ZNF84: variants seen among roughly 807,000 people sequenced by gnomAD.
ZNF84 encodes zinc finger protein HPF2.
In ZNF84, 12 loss-of-function variants were observed where a neutral mutation model predicts 14.8. That is an observed-to-expected ratio of 0.81 (90% CI 0.52 to 1.31). The LOEUF (loss-of-function observed/expected upper bound fraction) is 1.31, where lower values mean the gene tolerates loss of function less well. ZNF84 is among the 50% of genes most tolerant of loss of function. The probability of loss-of-function intolerance (pLI) is 0.00; values close to 1 mark genes in which losing one functional copy is unlikely to be tolerated. For synonymous variants in ZNF84, 347 were observed against 291.1 expected, an observed-to-expected ratio of 1.19 and a Z score of -1.96; for missense variants, 859 against 878.6, an observed-to-expected ratio of 0.98 and a Z score of 0.28.
intron 2 of ZNF84, among the ~76,000 whole-genome samples, chr12:133,042,238 C>T (rs1359425393): frequency 6.6e-6 from 1 of 152,210 alleles, no homozygotes; most frequent in African/African-American, 2.4e-5. Context: ...GCTAGTAATT[C>T]GGATATACCA....
In ZNF84 at chr12:133,063,091, T is replaced by C. The variant is rs1593720986; in HGVS notation, c.*4159T>C. 2 of 702,226 alleles carry C rather than the reference T, an allele frequency of 2.8e-6. No homozygotes were observed. The highest frequency in any genetic ancestry group is 5.2e-6 in the Non-Finnish European group (2 of 384,804). The allele number at this position is 702,226 out of a possible 1,614,324, so 43.5% of individuals were successfully genotyped here. A position where few individuals can be genotyped will look rare whatever the true frequency, so the allele number is the denominator to read the frequency against. The stretch of plus-strand genomic sequence containing the variant: ...AATGTGGGTGCAGTGAGTGGCTGTT[T>C]TCTGCCACATGGAGAAACATGGTCT... On this transcript the variant is annotated 3_prime_UTR_variant, in exon 5 of 5. Transcript: ENST00000539354.
chr12:133,058,657 A>G lies in ZNF84; in HGVS notation c.1942A>G (p.Ile648Val). 6.2e-7 allele frequency: 1 copy of G among 1,614,224 alleles called. No individual in the cohort carries two copies. Among genetic ancestry groups the G allele is most frequent in the Non-Finnish European group, 8.5e-7 (1 of 1,180,040 alleles). Reference protein sequence around the residue: ...EKSSLINHQRIHTGEKPFECS... With the variant: ...EKSSLINHQRVHTGEKPFECS... ...GTCAAGTCTCATCAATCATCAGAGA[A>G]TACATACAGGAGAGAAGCCTTTTGA... is the stretch of plus-strand genomic sequence containing the variant. The change falls in exon 5 of 5, where the codon ATA (isoleucine) becomes GTA (valine). Residue 648 changes from isoleucine to valine, a missense_variant. Ile to Val is a conservative substitution (Grantham distance 29). Coordinates refer to ENST00000539354, the MANE Select transcript of ZNF84 (RefSeq NM_001289971.2).
chr12:133,059,891 A>G lies in ZNF84; in HGVS notation c.*959A>G, dbSNP rs1182030984. 6 of 152,178 alleles carry G rather than the reference A, an allele frequency of 3.9e-5. No individual in the cohort carries two copies. The highest frequency in any genetic ancestry group is 1.2e-4 in the African/African-American group (5 of 41,450). The allele number at this position is 152,178 out of a possible 1,614,324, so 9.4% of individuals were successfully genotyped here. On this transcript the variant is annotated 3_prime_UTR_variant, in exon 5 of 5. Transcript: ENST00000539354. ...GTCTTTTGTTTTTATGGACCTTTCT[A>G]TTCAGTAACTGAAGCCAACATTGTG...
intron 2 of ZNF84, among the ~76,000 whole-genome samples, chr12:133,041,754 G>A (rs908109924): frequency 4.6e-5 from 7 of 152,144 alleles, no homozygotes; most frequent in African/African-American, 1.2e-4. Context: ...TTTGGTAGTC[G>A]TAATAGAGAA....
intron 2 of ZNF84, among the ~76,000 whole-genome samples, chr12:133,042,809 G>A (rs1370344730): frequency 6.6e-6 from 1 of 152,170 alleles, no homozygotes; most frequent in African/African-American, 2.4e-5. Context: ...AGAAAAGTAT[G>A]TTTTAAAAAA....
At chr12:133,039,797 C>T (rs1316115112) in intron 1 of ZNF84, among the ~76,000 whole-genome samples, 2 of 151,142 alleles carry the variant, frequency 1.3e-5, no homozygotes, top group Non-Finnish European at 2.9e-5. Context: ...ACAGTAACCA[C>T]AATAAACATT....
rs1324623688 is a variant in ZNF84, at chr12:133,058,067, T to C, written c.1352T>C (p.Met451Thr). Residue 451 changes from methionine to threonine, a missense_variant, in exon 5 of 5, where the codon ATG (methionine) becomes ACG (threonine). Physicochemically the swap from Met to Thr is moderately conservative, Grantham distance 81 (BLOSUM62 -1). Coordinates refer to ENST00000539354, the MANE Select transcript of ZNF84 (RefSeq NM_001289971.2). ...AAGTCACATCTCATATCACATCAGA[T>C]GACACACACAGGAGAAAAACCCTTT... ...SQKSHLISHQ[M>T]THTGEKPFIC... 3.1e-6 allele frequency: 5 copies of C among 1,608,232 alleles called. No homozygotes were observed. The highest frequency in any genetic ancestry group is 4.2e-6 in the Non-Finnish European group (5 of 1,178,190).
chr12:133,046,088 CT>C (rs1416823426), intron 2 of ZNF84, among the ~76,000 whole-genome samples: 1 of 151,716 alleles, frequency 6.6e-6, no homozygotes, highest in African/African-American at 2.4e-5. Context: ...AAGATGTGTG[CT>C]TGTGTTTTCT....
rs1954200642 is a variant in ZNF84, at chr12:133,058,459, C to T, written c.1744C>T (p.Gln582Ter). ...CAGGGACTGTGAAAAAGCTTTCTCC[C>T]AGAAATCACAGCTAAATACCCATCA... is the stretch of plus-strand genomic sequence containing the variant. The part of the protein sequence containing the change: ...ECRDCEKAFS[Q>*]KSQLNTHQRI... Residue 582 changes from glutamine to a stop codon, truncating the protein, a stop_gained, in exon 5 of 5, where the codon CAG becomes TAG. Coordinates refer to ENST00000539354, the MANE Select transcript of ZNF84 (RefSeq NM_001289971.2). LOFTEE classifies it low-confidence loss of function (END_TRUNC). 3 of 1,613,802 alleles carry T rather than the reference C, an allele frequency of 1.9e-6. No individual in the cohort carries two copies.
In ZNF84 at chr12:133,063,073, G is replaced by A. The variant is rs11297; in HGVS notation, c.*4141G>A. 129,059 of 701,548 alleles carry A rather than the reference G, an allele frequency of 0.18. 12,893 individuals carry two copies. Among genetic ancestry groups the A allele is most frequent in the Admixed American group, 0.2 (10,218 of 49,974 alleles). The allele number at this position is 701,548 out of a possible 1,614,324, so 43.5% of individuals were successfully genotyped here. On this transcript the variant is annotated 3_prime_UTR_variant, in exon 5 of 5. Transcript: ENST00000539354. ...CATCACAAGCTATATTTAAATGTGG[G>A]TGCAGTGAGTGGCTGTTTTCTGCCA...
rs1954213385 is a variant in ZNF84, at chr12:133,059,064, T to C, written c.*132T>C. 1.1e-6 allele frequency: 1 copy of C among 905,852 alleles called. No individual in the cohort carries two copies. Among genetic ancestry groups the C allele is most frequent in the Non-Finnish European group, 1.7e-6 (1 of 603,316 alleles). 56.1% of individuals were successfully genotyped at this position (905,852 alleles called of 1,614,324 possible). ...AGGATGAGAACTCTAAATGAGGTGG[T>C]GTATGGAAAGCCGATCATAATTCAT... On this transcript the variant is annotated 3_prime_UTR_variant, in exon 5 of 5. Coordinates refer to ENST00000539354, the MANE Select transcript of ZNF84 (RefSeq NM_001289971.2).
chr12:133,042,686 T>G (rs1190584930), intron 2 of ZNF84, among the ~76,000 whole-genome samples: 7 of 152,210 alleles, frequency 4.6e-5, no homozygotes, highest in African/African-American at 1.4e-4. Flanking sequence ...CCTTACGGCA[T>G]TTTTCATAGC....
In ZNF84 at chr12:133,058,388, T is replaced by A; in HGVS notation, c.1673T>A (p.Leu558His). ...AAGGCCTTTGGTGAGAAGTCAAGTCTTGCAACTCATCAGAGAACTCATACT... is the reference window on the plus strand; with the variant it reads ...AAGGCCTTTGGTGAGAAGTCAAGTCATGCAACTCATCAGAGAACTCATACT... ...CGKAFGEKSSLATHQRTHTGE... is the reference protein window; with the variant it reads ...CGKAFGEKSSHATHQRTHTGE... The change falls in exon 5 of 5, where the codon CTT becomes CAT. Residue 558 changes from leucine to histidine, a missense_variant. Physicochemically the swap from Leu to His is moderately conservative, Grantham distance 99. Transcript: ENST00000539354. The A allele has an allele frequency of 1.9e-6, 3 of 1,613,982 alleles. No individual in the cohort carries two copies. Among genetic ancestry groups the A allele is most frequent in the Non-Finnish European group, 2.5e-6 (3 of 1,179,986 alleles).
chr12:133,039,782 GA>G lies in ZNF84; in HGVS notation c.-190-1491del, dbSNP rs1244841449. ...GCTTTGAAGGCAAGAAAGGAGGGGG[GA>G]AAAACAGTAACCACAATAAACATTA... On this transcript the variant is annotated intron_variant, in intron 1 of 4. Coordinates refer to ENST00000539354, the MANE Select transcript of ZNF84 (RefSeq NM_001289971.2). 2.0e-5 allele frequency among the ~76,000 whole-genome samples: 3 copies of G among 151,910 alleles called. No individual in the cohort carries two copies. In the East Asian group the frequency reaches 5.8e-4, roughly 29 times the overall value.
intron 1 of ZNF84, among the ~76,000 whole-genome samples, chr12:133,039,330 G>C (rs1183111226): frequency 6.6e-6 from 1 of 152,202 alleles, no homozygotes; most frequent in African/African-American, 2.4e-5. Context: ...GTGGGAATTA[G>C]TGACTGAATG....
Position 133,057,899 on chromosome 12 carries a change from C to T in ZNF84, c.1184C>T (p.Thr395Ile). 1 of 1,613,266 alleles carries T rather than the reference C, an allele frequency of 6.2e-7. No individual in the cohort carries two copies. Among genetic ancestry groups the T allele is most frequent in the Non-Finnish European group, 8.5e-7 (1 of 1,179,484 alleles). The stretch of plus-strand genomic sequence containing the variant: ...AAGTCAGAGCTTATTAGACATCAGA[C>T]AATTCATACTGGAGAGAAACCCTAT... The part of the protein sequence containing the change: ...FEKSELIRHQ[T>I]IHTGEKPYEC... Residue 395 changes from threonine to isoleucine, a missense_variant, in exon 5 of 5, where the codon ACA (threonine) becomes ATA (isoleucine). Coordinates refer to ENST00000539354, the MANE Select transcript of ZNF84 (RefSeq NM_001289971.2).
At position 133,057,461 on chromosome 12, in the gene ZNF84, A is replaced by G; in HGVS notation, c.746A>G (p.Gln249Arg). 10 of 1,614,212 alleles carry G rather than the reference A, an allele frequency of 6.2e-6. No individual in the cohort carries two copies. The highest frequency in any genetic ancestry group is 8.5e-6 in the Non-Finnish European group (10 of 1,180,034). ...NCGKTFPQKS[Q>R]FITHHRTHTG... ...GGCAAAACCTTTCCCCAGAAGTCTC[A>G]GTTTATTACACATCACAGAACTCAT... The change falls in exon 5 of 5, where the codon CAG (glutamine) becomes CGG (arginine). Residue 249 changes from glutamine (Q) to arginine (R), a missense_variant. Coordinates refer to ENST00000539354, the MANE Select transcript of ZNF84 (RefSeq NM_001289971.2).
At chr12:133,038,118 G>T (rs1205673771) in intron 1 of ZNF84, 6 of 150,252 alleles carry the variant, frequency 4.0e-5, no homozygotes, top group African/African-American at 1.5e-4. Context: ...GTTTTTTTTT[G>T]TAGACATTCT....
chr12:133,051,443 A>G (rs1216945369), intron 4 of ZNF84, among the ~76,000 whole-genome samples: 1 of 152,144 alleles, frequency 6.6e-6, no homozygotes, highest in African/African-American at 2.4e-5. Flanking sequence ...GAGTCACTAG[A>G]AGGACTCACG....
Sources: allele counts gnomAD v4.1 joint callset (sites outside exome capture counted in the v4.1 genomes callset), GRCh38; gene constraint gnomAD v4.1.1; transcripts MANE v1.5; gene names NCBI Gene and HGNC (gene_info 2026-07-23, HGNC 2026-07-21).